GALNTL6: variants seen among roughly 807,000 people sequenced by gnomAD.
GALNTL6 encodes polypeptide N-acetylgalactosaminyltransferase like 6, also known as polypeptide N-acetylgalactosaminyltransferase-like 6.
GALNTL6 carries 46 observed loss-of-function variants against 73.7 expected under a neutral mutation model. The observed-to-expected ratio is 0.62, with a 90% CI of 0.49 to 0.80. The LOEUF (loss-of-function observed/expected upper bound fraction) is 0.80, where lower values mean the gene tolerates loss of function less well. GALNTL6 is among the 30% of genes least tolerant of loss of function. The probability of loss-of-function intolerance (pLI) is 0.00; values close to 1 mark genes in which losing one functional copy is unlikely to be tolerated. For synonymous variants in GALNTL6, 259 were observed against 263.7 expected (o/e 0.98, Z 0.17); for missense variants, 604 against 755.0 (o/e 0.80, Z 2.34).
At chr4:172,291,337 T>TA (rs1181502022) in intron 3 of GALNTL6, among the ~76,000 whole-genome samples, 1 of 152,090 alleles carries the variant, frequency 6.6e-6, no homozygotes, top group Non-Finnish European at 1.5e-5. Context: ...TAATATACAT[T>TA]ACAAATAAAA....
rs557399181 is a variant in GALNTL6, at chr4:172,488,423, T to C, written c.553+139734T>C. ...ATAGATAACTAGAGGATGAATTCAT[T>C]TGCAGAGATCTTTACTCATACATCT... is the stretch of plus-strand genomic sequence containing the variant. On this transcript the variant is annotated intron_variant, in intron 5 of 12. Coordinates refer to ENST00000506823, the MANE Select transcript of GALNTL6 (RefSeq NM_001034845.3). Among the ~76,000 whole-genome samples, 14 of 152,274 alleles carry C rather than the reference T, an allele frequency of 9.2e-5. 1 individual carries two copies. The East Asian group carries it at 1.7e-3, about 19-fold the overall frequency.
chr4:172,734,887 A>T (rs1370002904), intron 5 of GALNTL6, among the ~76,000 whole-genome samples: 1 of 152,228 alleles, frequency 6.6e-6, no homozygotes, highest in East Asian at 1.9e-4. Context: ...GCAATCCCCA[A>T]GCCTTGGCAG....
At chr4:172,047,351 A>T (rs564923582) in intron 2 of GALNTL6, among the ~76,000 whole-genome samples, 23 of 152,286 alleles carry the variant, frequency 1.5e-4, no homozygotes, top group African/African-American at 5.3e-4. Context: ...AGCCTAGGGC[A>T]TTCATTAAAA....
At chr4:172,619,004 G>C (rs1316439208) in intron 5 of GALNTL6, among the ~76,000 whole-genome samples, 1 of 152,178 alleles carries the variant, frequency 6.6e-6, no homozygotes, top group Non-Finnish European at 1.5e-5. Flanking sequence ...TTACAGGCAT[G>C]AGCCACAGCA....
chr4:172,404,534 G>A (rs1286784423), intron 5 of GALNTL6, among the ~76,000 whole-genome samples: 1 of 151,952 alleles, frequency 6.6e-6, no homozygotes, highest in Non-Finnish European at 1.5e-5. Context: ...TATCATAAGA[G>A]CCTTAAATGG....
In GALNTL6 at chr4:172,038,944, A is replaced by T. The variant is rs556720401; in HGVS notation, c.139-190712A>T. ...AATCTAGATCTTTCTCTGCTGAGAT[A>T]TTCTTTTTTATTATTCACTACAAGC... On this transcript the variant is annotated intron_variant, in intron 2 of 12. Transcript: ENST00000506823. Among the ~76,000 whole-genome samples, 252 of 152,272 alleles carry T rather than the reference A, an allele frequency of 1.7e-3. 1 individual carries two copies. The highest frequency in any genetic ancestry group is 5.9e-3 in the African/African-American group (244 of 41,570).
chr4:172,805,953 G>C (rs1225897761), intron 5 of GALNTL6, among the ~76,000 whole-genome samples: 1 of 152,018 alleles, frequency 6.6e-6, no homozygotes, highest in Admixed American at 6.6e-5. Flanking sequence ...TTTTATGTAT[G>C]TTCAAAATTC....
intron 3 of GALNTL6, among the ~76,000 whole-genome samples, chr4:172,284,185 G>T (rs1739169165): frequency 6.6e-6 from 1 of 152,008 alleles, no homozygotes; most frequent in South Asian, 2.1e-4. Flanking sequence ...AAAAAAATAG[G>T]CTAAGAATTC....
intron 5 of GALNTL6, among the ~76,000 whole-genome samples, chr4:172,695,203 A>C (rs1733608421): frequency 6.6e-6 from 1 of 152,246 alleles, no homozygotes; most frequent in Admixed American, 6.5e-5. Flanking sequence ...AGCTTAAAAA[A>C]ATCAGAACAC....
intron 2 of GALNTL6, among the ~76,000 whole-genome samples, chr4:172,118,173 G>A (rs568480306): frequency 3.3e-5 from 5 of 152,026 alleles, no homozygotes; most frequent in Non-Finnish European, 7.4e-5. Context: ...AAAGTTGAGT[G>A]ATGAATACAT....
chr4:172,903,232 A>G (rs1253388646), intron 8 of GALNTL6, among the ~76,000 whole-genome samples: 1 of 152,116 alleles, frequency 6.6e-6, no homozygotes, highest in Non-Finnish European at 1.5e-5. Flanking sequence ...ACTGCACACC[A>G]TCCTAAACCG....
intron 2 of GALNTL6, among the ~76,000 whole-genome samples, chr4:172,072,627 G>T (rs1269484998): frequency 6.6e-6 from 1 of 152,126 alleles, no homozygotes; most frequent in Non-Finnish European, 1.5e-5. Flanking sequence ...CCCAGTAAAT[G>T]ACACTTCTGT....
chr4:171,849,494 A>G (rs1393382047), intron 2 of GALNTL6, among the ~76,000 whole-genome samples: 1 of 152,212 alleles, frequency 6.6e-6, no homozygotes, highest in Non-Finnish European at 1.5e-5. Flanking sequence ...CAGCATTTCA[A>G]TTTCACTTTC....
intron 5 of GALNTL6, among the ~76,000 whole-genome samples, chr4:172,493,860 C>A (rs531311008): frequency 6.6e-6 from 1 of 152,090 alleles, no homozygotes; most frequent in Non-Finnish European, 1.5e-5. Context: ...CTGAGTAAAG[C>A]CTTGTTTCCT....
At chr4:172,161,891 A>C (rs1352802548) in intron 2 of GALNTL6, among the ~76,000 whole-genome samples, 1 of 152,076 alleles carries the variant, frequency 6.6e-6, no homozygotes. Flanking sequence ...AAAAAGAAAT[A>C]GTATGTAAAT....
intron 2 of GALNTL6, among the ~76,000 whole-genome samples, chr4:171,864,190 A>G (rs1355200953): frequency 6.6e-6 from 1 of 152,214 alleles, no homozygotes; most frequent in Non-Finnish European, 1.5e-5. Flanking sequence ...ATCCTACTTA[A>G]TATCTTATCT....
intron 5 of GALNTL6, among the ~76,000 whole-genome samples, chr4:172,605,045 G>C (rs1404007397): frequency 2.0e-5 from 3 of 152,146 alleles, no homozygotes; most frequent in African/African-American, 7.2e-5. Flanking sequence ...ACAGATATTA[G>C]CATTTGAAAT....
chr4:172,069,517 T>TATATATAACAC (rs1491167763), intron 2 of GALNTL6, among the ~76,000 whole-genome samples: 1 of 42,550 alleles, frequency 2.4e-5, no homozygotes, highest in Non-Finnish European at 5.6e-5. Context: ...ACATATATGT[T>TATATATAACAC]ATATGTATAA....
intron 10 of GALNTL6, among the ~76,000 whole-genome samples, chr4:172,977,123 A>G (rs546760023): frequency 1.3e-5 from 2 of 152,336 alleles, no homozygotes; most frequent in South Asian, 2.1e-4. Context: ...ACAGGAGTCA[A>G]AAAGTTGTTT....
Sources: gnomAD v4.1 joint callset for allele counts (sites outside exome capture counted in the v4.1 genomes callset) on GRCh38, gnomAD v4.1.1 for gene constraint, MANE v1.5 for transcripts, NCBI Gene and HGNC (gene_info 2026-07-23, HGNC 2026-07-21) for gene names.